The following KCTD8 variants were observed in gnomAD, a reference collection of about 807,000 sequenced individuals.
The protein encoded by KCTD8 is BTB/POZ domain-containing protein KCTD8.
In KCTD8, 27 loss-of-function variants were observed where a neutral mutation model predicts 31.5. That is an observed-to-expected ratio of 0.86 (90% confidence interval 0.63 to 1.18). The LOEUF is 1.18. Ranked by LOEUF, KCTD8 falls within the 50% of genes most tolerant of loss-of-function variation. The pLI is 0.00. For missense variants in KCTD8, 658 were observed against 647.7 expected (o/e 1.02, Z -0.17); for synonymous variants, 290 against 280.0 (o/e 1.04, Z -0.36).
At chr4:44,442,774 T>TACACACATATACACAC (rs1553908577) in intron 1 of KCTD8, among the ~76,000 whole-genome samples, 3 of 147,342 alleles carry the variant, frequency 2.0e-5, no homozygotes, top group Middle Eastern at 6.8e-3. Flanking sequence ...AACTAAGGTA[T>TACACACATATACACAC]ACACACACAC....
At chr4:44,237,093 T>C (rs1715313903) in intron 1 of KCTD8, among the ~76,000 whole-genome samples, 1 of 152,112 alleles carries the variant, frequency 6.6e-6, no homozygotes. Flanking sequence ...AACAGACCAA[T>C]GCACAAAATA....
intron 1 of KCTD8, among the ~76,000 whole-genome samples, chr4:44,407,671 C>A (rs931716976): frequency 6.6e-6 from 1 of 152,270 alleles, no homozygotes; most frequent in South Asian, 2.1e-4. Context: ...CAGGTGTGAG[C>A]CACCGCACCC....
At chr4:44,281,783 A>G (rs551593513) in intron 1 of KCTD8, among the ~76,000 whole-genome samples, 27 of 152,232 alleles carry the variant, frequency 1.8e-4, no homozygotes, top group African/African-American at 5.3e-4. Context: ...ATTAAACACT[A>G]TCAATAATAG....
At chr4:44,229,970 C>G (rs1358445722) in intron 1 of KCTD8, among the ~76,000 whole-genome samples, 1 of 151,848 alleles carries the variant, frequency 6.6e-6, no homozygotes, top group East Asian at 1.9e-4. Context: ...AATGCTCTCC[C>G]TCCCCCACCC....
chr4:44,369,216 G>A (rs1466166577), intron 1 of KCTD8, among the ~76,000 whole-genome samples: 2 of 152,176 alleles, frequency 1.3e-5, no homozygotes, highest in African/African-American at 4.8e-5. Context: ...ATTGGACAGA[G>A]ATTATTTAAA....
chr4:44,371,796 G>A (rs1021121197), intron 1 of KCTD8, among the ~76,000 whole-genome samples: 4 of 152,064 alleles, frequency 2.6e-5, no homozygotes, highest in South Asian at 2.1e-4. Context: ...ATAATAAAAT[G>A]AAATGAATAT....
chr4:44,379,561 TGTG>T (rs1293205476), intron 1 of KCTD8, among the ~76,000 whole-genome samples: 93 of 152,224 alleles, frequency 6.1e-4, no homozygotes, highest in African/African-American at 2.2e-3. Context: ...GGTGTGTGTA[TGTG>T]TGTGTGGTTA....
intron 1 of KCTD8, among the ~76,000 whole-genome samples, chr4:44,416,283 A>G (rs1182659312): frequency 6.6e-6 from 1 of 152,164 alleles, no homozygotes; most frequent in Non-Finnish European, 1.5e-5. Flanking sequence ...ACTTGTTTTG[A>G]TTTTACAGGC....
At chr4:44,310,026 A>G (rs1717907473) in intron 1 of KCTD8, among the ~76,000 whole-genome samples, 1 of 152,116 alleles carries the variant, frequency 6.6e-6, no homozygotes, top group Admixed American at 6.5e-5. Context: ...AAAACTGAAA[A>G]AAGAAAGAAA....
At chr4:44,389,829 A>G (rs946264521) in intron 1 of KCTD8, among the ~76,000 whole-genome samples, 1 of 151,366 alleles carries the variant, frequency 6.6e-6, no homozygotes, top group African/African-American at 2.4e-5. Context: ...TTATACGTGG[A>G]TTTTTTTTCA....
chr4:44,265,074 G>C (rs995804075), intron 1 of KCTD8, among the ~76,000 whole-genome samples: 1 of 152,098 alleles, frequency 6.6e-6, no homozygotes, highest in Non-Finnish European at 1.5e-5. Context: ...ATCTGAGAAC[G>C]GGCAGACTGC....
intron 1 of KCTD8, among the ~76,000 whole-genome samples, chr4:44,291,940 C>G (rs1717287534): frequency 7.2e-6 from 1 of 139,538 alleles, no homozygotes; most frequent in Admixed American, 7.8e-5. Context: ...CCATTTCACA[C>G]CAGTCAGATT....
At chr4:44,355,711 A>T (rs1719324355) in intron 1 of KCTD8, among the ~76,000 whole-genome samples, 1 of 152,126 alleles carries the variant, frequency 6.6e-6, no homozygotes, top group Admixed American at 6.5e-5. Context: ...CCATTCATCC[A>T]ATCTCTTCGT....
intron 1 of KCTD8, 150 bp downstream of exon 1, chr4:44,447,413 T>G: frequency 2.4e-6 from 3 of 1,251,872 alleles, no homozygotes; most frequent in Non-Finnish European, 3.1e-6. Context: ...GTCTACTGCA[T>G]AAGGGAATCG....
At chr4:44,423,034 A>T (rs968395313) in intron 1 of KCTD8, among the ~76,000 whole-genome samples, 1 of 152,094 alleles carries the variant, frequency 6.6e-6, no homozygotes, top group Non-Finnish European at 1.5e-5. Flanking sequence ...TTAGGTCAGC[A>T]GTTCTCAACC....
chr4:44,352,563 AATT>A (rs957152141), intron 1 of KCTD8, among the ~76,000 whole-genome samples: 3 of 147,400 alleles, frequency 2.0e-5, no homozygotes, highest in South Asian at 2.1e-4. Flanking sequence ...TATATATTAA[AATT>A]ATTATTTCTA....
At chr4:44,423,187 T>A (rs1721263668) in intron 1 of KCTD8, among the ~76,000 whole-genome samples, 1 of 152,046 alleles carries the variant, frequency 6.6e-6, no homozygotes, top group Non-Finnish European at 1.5e-5. Context: ...CACAAGTTAG[T>A]CCTCCTACAA....
At chr4:44,280,554 C>T (rs566172505) in intron 1 of KCTD8, among the ~76,000 whole-genome samples, 65 of 152,132 alleles carry the variant, frequency 4.3e-4, no homozygotes, top group African/African-American at 1.4e-3. Flanking sequence ...GGACTTTATG[C>T]CTCCATTGTA....
intron 1 of KCTD8, among the ~76,000 whole-genome samples, chr4:44,194,865 T>C (rs935327883): frequency 6.8e-5 from 9 of 132,072 alleles, no homozygotes; most frequent in Non-Finnish European, 1.1e-4. Context: ...CTCTCTCTCT[T>C]TTTTTTTTGG....
Sources: gnomAD v4.1 joint callset for allele counts (sites outside exome capture counted in the v4.1 genomes callset) on GRCh38, gnomAD v4.1.1 for gene constraint, MANE v1.5 for transcripts, NCBI Gene and HGNC (gene_info 2026-07-23, HGNC 2026-07-21) for gene names.